Variants in NCAPD2 observed in about 807,000 individuals in gnomAD.
NCAPD2 encodes non-SMC condensin I complex subunit D2, also known as condensin complex subunit 1.
In NCAPD2, 100 loss-of-function variants were observed where a neutral mutation model predicts 164.5. The ratio of observed to expected loss-of-function variants is 0.61; its 90% CI spans 0.52 to 0.72. The LOEUF (loss-of-function observed/expected upper bound fraction) is 0.72, where lower values mean the gene tolerates loss of function less well. Among genes scored for constraint, NCAPD2 ranks in the 30% least tolerant of loss-of-function variants. The probability of loss-of-function intolerance (pLI) is 0.00; values close to 1 mark genes in which losing one functional copy is unlikely to be tolerated. For missense variants in NCAPD2, 1,560 were observed against 1,749.2 expected (o/e 0.89, Z 1.93); for synonymous variants, 585 against 642.6 (o/e 0.91, Z 1.36).
In NCAPD2 at chr12:6,531,554, C is replaced by A. The variant is rs934570073; in HGVS notation, c.*142C>A. ...GGCACTGTGGCTCACGCCTGTAATC[C>A]CAGCACTTTGCGATACCAAGGCGGG... On this transcript the variant is annotated 3_prime_UTR_variant, in exon 32 of 32. Coordinates refer to ENST00000315579, the MANE Select transcript of NCAPD2 (RefSeq NM_014865.4). The surrounding 1 kb of genome is among the most constrained non-coding windows in gnomAD (Gnocchi z 4.1). 6.7e-7 allele frequency: 1 copy of A among 1,502,636 alleles called. No individual in the cohort carries two copies. 93.1% of individuals were successfully genotyped at this position (1,502,636 alleles called of 1,614,324 possible). A position where few individuals can be genotyped will look rare whatever the true frequency, so the allele number is the denominator to read the frequency against.
In NCAPD2 at chr12:6,529,562, G is replaced by A; in HGVS notation, c.3622G>A (p.Glu1208Lys). The part of the protein sequence containing the change: ...TKDKQTESLV[E>K]KLCQRFRTSR... ...GGACAAGCAGACAGAGAGCCTGGTGGAAAAGCTGTGTCAGCGGTTCCGCAC... is the reference window on the plus strand; with the variant it reads ...GGACAAGCAGACAGAGAGCCTGGTGAAAAAGCTGTGTCAGCGGTTCCGCAC... The change falls in exon 28 of 32, where the codon GAA becomes AAA. Residue 1208 changes from glutamate to lysine, a missense_variant. Coordinates refer to ENST00000315579, the MANE Select transcript of NCAPD2 (RefSeq NM_014865.4). 2.5e-6 allele frequency: 4 copies of A among 1,614,186 alleles called. No individual in the cohort carries two copies. The highest frequency in any genetic ancestry group is 3.4e-6 in the Non-Finnish European group (4 of 1,180,022).
rs1298816950 is a variant in NCAPD2 at position 6,528,505 on chromosome 12, T to G, written c.3300-174T>G. The G allele has an allele frequency of 2.3e-5, 26 of 1,129,144 alleles. No individual in the cohort carries two copies. The highest frequency in any genetic ancestry group is 3.3e-5 in the Non-Finnish European group (26 of 795,548). 69.9% of individuals were successfully genotyped at this position (1,129,144 alleles called of 1,614,324 possible). ...GTCACCCCAGTGGGACTGACACTTC[T>G]GGTTAGAAGCTTCACCTCTTTCCCC... On this transcript the variant is annotated intron_variant, in intron 25 of 31. Coordinates refer to ENST00000315579, the MANE Select transcript of NCAPD2 (RefSeq NM_014865.4). The surrounding 1 kb of genome is among the most constrained non-coding windows in gnomAD (Gnocchi z 5.1).
intron 2 of NCAPD2, among the ~76,000 whole-genome samples, chr12:6,498,249 T>C (rs1946002530): frequency 6.6e-6 from 1 of 152,142 alleles, no homozygotes. Flanking sequence ...TTGATGATTT[T>C]GGTGTTTAGA....
chr12:6,528,612 CT>C lies in NCAPD2; in HGVS notation c.3300-63del. ...GGGATAATTGATTCCTGCTGAGGGCCTTTTCTACCAGTGTTAGGGTGTAGCC... is the reference window on the plus strand; with the variant it reads ...GGGATAATTGATTCCTGCTGAGGGCCTTTCTACCAGTGTTAGGGTGTAGCC... On this transcript the variant is annotated intron_variant, in intron 25 of 31. Transcript: ENST00000315579. This position sits in a 1 kb window ranked among gnomAD's most constrained non-coding sequence, Gnocchi z 5.1. 2 of 1,521,390 alleles carry C rather than the reference CT, an allele frequency of 1.3e-6. No homozygotes were observed. Among genetic ancestry groups the C allele is most frequent in the Non-Finnish European group, 9.0e-7 (1 of 1,115,130 alleles). The allele number at this position is 1,521,390 out of a possible 1,614,324, so 94.2% of individuals were successfully genotyped here.
At chr12:6,510,191 T>C (rs376110037) in intron 4 of NCAPD2, 58 bp downstream of exon 4, 11 of 1,508,332 alleles carry the variant, frequency 7.3e-6, no homozygotes, top group Non-Finnish European at 1.0e-5. Flanking sequence ...TGTTTGTTTG[T>C]CTGTTTGTTT....
At position 6,531,032 on chromosome 12, in the gene NCAPD2, A is replaced by C. The variant is rs1167823875; in HGVS notation, c.4076A>C (p.Lys1359Thr). ...AACACCCAGCAGCGAGCTTCCAAAA[A>C]GAAACCCAAAGTTGTCTTCTCAAGT... ...HPNTQQRASK[K>T]KPKVVFSSDE... The change falls in exon 31 of 32, where the codon AAG (lysine) becomes ACG (threonine). Residue 1359 changes from lysine to threonine, a missense_variant. Transcript: ENST00000315579. The surrounding 1 kb of genome is among the most constrained non-coding windows in gnomAD (Gnocchi z 4.1). The C allele has an allele frequency of 2.5e-6, 4 of 1,613,996 alleles. No individual in the cohort carries two copies. Among genetic ancestry groups the C allele is most frequent in the Non-Finnish European group, 3.4e-6 (4 of 1,180,046 alleles).
In NCAPD2 at chr12:6,509,697, T is replaced by A. The variant is rs541508250; in HGVS notation, c.128-20T>A. The A allele has an allele frequency of 2.9e-5, 47 of 1,612,582 alleles. No homozygotes were observed. Among genetic ancestry groups the A allele is most frequent in the South Asian group, 1.6e-4 (15 of 91,036 alleles). On this transcript the variant is annotated intron_variant, in intron 2 of 31. Coordinates refer to ENST00000315579, the MANE Select transcript of NCAPD2 (RefSeq NM_014865.4). The stretch of plus-strand genomic sequence containing the variant: ...GGTTTCTCTTCCCTCCAAATTGATT[T>A]GTTTTTTCCATCTTCATAGCTTTTC...
At chr12:6,500,653 C>G (rs1048120372) in intron 2 of NCAPD2, among the ~76,000 whole-genome samples, 2 of 152,160 alleles carry the variant, frequency 1.3e-5, no homozygotes, top group Non-Finnish European at 2.9e-5. Flanking sequence ...ATCAGGAAAT[C>G]TGTATTTTAA....
At position 6,497,897 on chromosome 12, in the gene NCAPD2, G is replaced by A. The variant is rs566410338; in HGVS notation, c.127+2672G>A. 9.9e-4 allele frequency among the ~76,000 whole-genome samples: 148 copies of A among 149,340 alleles called. 1 individual carries two copies. The highest frequency in any genetic ancestry group is 3.4e-3 in the African/African-American group (137 of 40,532). ...CTCCCAAAGTGCTGGGATTACAGGC[G>A]TGAGCCACCGCGCCCAGCCACTTTT... On this transcript the variant is annotated intron_variant, in intron 2 of 31. Coordinates refer to ENST00000315579, the MANE Select transcript of NCAPD2 (RefSeq NM_014865.4).
chr12:6,520,191 A>AATAT (rs1555139806), intron 13 of NCAPD2, among the ~76,000 whole-genome samples: 8 of 149,520 alleles, frequency 5.4e-5, no homozygotes, highest in Non-Finnish European at 8.9e-5. Context: ...TAAAAAAAAA[A>AATAT]ATATATATAT....
At position 6,531,719 on chromosome 12, in the gene NCAPD2, C is replaced by T. The variant is rs750918400; in HGVS notation, c.*307C>T. The T allele has an allele frequency of 2.7e-5, 10 of 371,966 alleles. No individual in the cohort carries two copies. The highest frequency in any genetic ancestry group is 4.5e-5 in the Non-Finnish European group (9 of 199,396). The allele number at this position is 371,966 out of a possible 1,614,324, so 23.0% of individuals were successfully genotyped here. A position where few individuals can be genotyped will look rare whatever the true frequency, so the allele number is the denominator to read the frequency against. On this transcript the variant is annotated 3_prime_UTR_variant, in exon 32 of 32. Transcript: ENST00000315579. The surrounding 1 kb of genome is among the most constrained non-coding windows in gnomAD (Gnocchi z 4.1). ...ACTCAAGAGGCTGAGGCAGGAGAAT[C>T]GCCTGAACCCAGAGGCGGAGGTTGT...
intron 22 of NCAPD2, 63 bp downstream of exon 22, chr12:6,527,126 T>C (rs1448194860): frequency 1.4e-6 from 2 of 1,441,948 alleles, no homozygotes; most frequent in Non-Finnish European, 9.3e-7. Flanking sequence ...ACTGAGCTGA[T>C]CCCCTTCCGG....
intron 2 of NCAPD2, among the ~76,000 whole-genome samples, chr12:6,508,777 C>T (rs78757689): frequency 3.1e-3 from 469 of 152,310 alleles, no homozygotes; most frequent in Non-Finnish European, 4.9e-3. Context: ...GCAGACACTA[C>T]GAAGTGATCA....
chr12:6,527,720 C>A, intron 22 of NCAPD2, 57 bp from the exon 23 acceptor site: 1 of 1,510,962 alleles, frequency 6.6e-7, no homozygotes, highest in Non-Finnish European at 9.1e-7. Context: ...AAAGTATGGG[C>A]TGGAATCAAA....
At chr12:6,506,603 A>G (rs1946101891) in intron 2 of NCAPD2, among the ~76,000 whole-genome samples, 1 of 151,982 alleles carries the variant, frequency 6.6e-6, no homozygotes, top group Admixed American at 6.6e-5. Context: ...AAAAAAAAAA[A>G]AGACATATAT....
chr12:6,509,843 C>G, intron 3 of NCAPD2, 51 bp downstream of exon 3: 1 of 1,569,616 alleles, frequency 6.4e-7, no homozygotes, highest in Non-Finnish European at 8.8e-7. Context: ...GACTGTTTGT[C>G]CTAACTGTGC....
chr12:6,510,190 G>T (rs1946133171), intron 4 of NCAPD2, 57 bp downstream of exon 4: 1 of 1,510,616 alleles, frequency 6.6e-7, no homozygotes, highest in Non-Finnish European at 9.2e-7. Flanking sequence ...TTGTTTGTTT[G>T]TCTGTTTGTT....
At chr12:6,507,388 A>ATGAACATTCAAACAAAGGATTCTT (rs1246792865) in intron 2 of NCAPD2, among the ~76,000 whole-genome samples, 1 of 152,256 alleles carries the variant, frequency 6.6e-6, no homozygotes, top group African/African-American at 2.4e-5. Flanking sequence ...CCTAAGGAAA[A>ATGAACATTCAAACAAAGGATTCTT]TGAACATTCA....
intron 4 of NCAPD2, 68 bp from the exon 5 acceptor site, chr12:6,510,561 G>A: frequency 6.5e-7 from 1 of 1,529,368 alleles, no homozygotes; most frequent in Non-Finnish European, 9.1e-7. Flanking sequence ...TGCAAGTGCT[G>A]GGTGTTTTGA....
Sources: gnomAD v4.1 joint callset for allele counts (sites outside exome capture counted in the v4.1 genomes callset) on GRCh38, gnomAD v4.1.1 for gene constraint, Gnocchi (gnomAD v3.1) non-coding constraint, MANE v1.5 for transcripts, NCBI Gene and HGNC (gene_info 2026-07-23, HGNC 2026-07-21) for gene names.